Variants in IGF2 observed in about 807,000 individuals in gnomAD.
The protein encoded by IGF2 is insulin like growth factor 2.
Under a neutral mutation model 12.0 loss-of-function variants are expected in IGF2, and 2 were observed. The observed-to-expected ratio is 0.17, with a 90% CI of 0.07 to 0.52. IGF2 has a LOEUF of 0.52. Among genes scored for constraint, IGF2 ranks in the 20% least tolerant of loss-of-function variants. The probability of loss-of-function intolerance (pLI) is 0.95; values close to 1 mark genes in which losing one functional copy is unlikely to be tolerated. For synonymous variants in IGF2, 105 were observed against 110.1 expected (o/e 0.95, Z 0.29); for missense variants, 211 against 268.0 (o/e 0.79, Z 1.48).
the IGF2 span, chr11:2,148,153 C>T: frequency 2.6e-5 from 6 of 234,906 alleles, no homozygotes; most frequent in African/African-American, 1.1e-4. The surrounding 1 kb of genome is among the most constrained non-coding windows in gnomAD (Gnocchi z 4.3). Flanking sequence ...AATGGCCCGC[C>T]TTGAGGGGTC....
At chr11:2,134,349 C>T (rs1254735171) in intron 2 of IGF2, 1 of 335,360 alleles carries the variant, frequency 3.0e-6, no homozygotes, top group Non-Finnish European at 6.0e-6. Flanking sequence ...TTGGCCCTCC[C>T]CTCCTCTCAG....
At chr11:2,140,760 G>T (rs1184347891), upstream of IGF2, 1 of 326,930 alleles carries the variant, frequency 3.1e-6, no homozygotes, top group African/African-American at 2.3e-5. Context: ...GCGGCAGCCG[G>T]AGACGAGCGC....
intron 2 of IGF2, among the ~76,000 whole-genome samples, chr11:2,135,049 G>T (rs990029660): frequency 6.6e-6 from 1 of 152,252 alleles, no homozygotes; most frequent in Non-Finnish European, 1.5e-5. Flanking sequence ...TGCACTAGGC[G>T]TGCGGTGCCT....
chr11:2,133,998 G>A lies in IGF2; in HGVS notation c.158-333C>T. 2.2e-6 allele frequency: 1 copy of A among 456,174 alleles called. No homozygotes were observed. Among genetic ancestry groups the A allele is most frequent in the South Asian group, 2.3e-5 (1 of 42,554 alleles). 28.3% of individuals were successfully genotyped at this position (456,174 alleles called of 1,614,324 possible). Reference sequence around the variant, plus strand: ...AATGGGAGTGGTTTGGAAAATGTGTGGGATGTGAGCCCAGTTCAGGGGCCC... The same window carrying A: ...AATGGGAGTGGTTTGGAAAATGTGTAGGATGTGAGCCCAGTTCAGGGGCCC... On this transcript the variant is annotated intron_variant, in intron 2 of 3. Transcript: ENST00000416167. The surrounding 1 kb of genome is among the most constrained non-coding windows in gnomAD (Gnocchi z 8.9).
chr11:2,140,409 G>A, upstream of IGF2: 3 of 1,003,472 alleles, frequency 3.0e-6, no homozygotes, highest in South Asian at 3.3e-5. Context: ...TAGCCAAGGG[G>A]AAGGGGCCGC....
rs1858413565 is a variant in IGF2, at chr11:2,129,856, C to T, written c.*3131G>A. ...CCAGAGGCCGAGTCCCTGCCGCAGC[C>T]CTAGGCGCCGCGGTGGTGGCTGCTA... is the stretch of plus-strand genomic sequence containing the variant. On this transcript the variant is annotated 3_prime_UTR_variant, in exon 4 of 4. Transcript: ENST00000416167. This position sits in a 1 kb window ranked among gnomAD's most constrained non-coding sequence, Gnocchi z 8.1. The T allele has an allele frequency of 8.6e-6, 2 of 232,306 alleles. No individual in the cohort carries two copies. Among genetic ancestry groups the T allele is most frequent in the African/African-American group, 4.4e-5 (2 of 45,258 alleles). 14.4% of individuals were successfully genotyped at this position (232,306 alleles called of 1,614,324 possible).
the IGF2 span, chr11:2,149,188 G>A: frequency 1.9e-6 from 3 of 1,613,452 alleles, no homozygotes; most frequent in Non-Finnish European, 2.5e-6. Context: ...GGACCGGGGA[G>A]TCACTGGTGC....
rs1858714210 is a variant in IGF2 at position 2,132,963 on chromosome 11, G to A, written c.*24C>T. ...GGAGGCTGCAGGATGGTGGCGCCGG[G>A]CTGCAGACTTGCGGCAGTTTTGCTC... is the stretch of plus-strand genomic sequence containing the variant. On this transcript the variant is annotated 3_prime_UTR_variant, in exon 4 of 4. Transcript: ENST00000416167. 6 of 1,431,408 alleles carry A rather than the reference G, an allele frequency of 4.2e-6. No individual in the cohort carries two copies. The African/African-American group carries it at 8.7e-5, about 21-fold the overall frequency. 88.7% of individuals were successfully genotyped at this position (1,431,408 alleles called of 1,614,324 possible). A position where few individuals can be genotyped will look rare whatever the true frequency, so the allele number is the denominator to read the frequency against.
At chr11:2,142,571 A>C (rs954415587), upstream of IGF2, among the ~76,000 whole-genome samples, 1 of 152,218 alleles carries the variant, frequency 6.6e-6, no homozygotes, top group African/African-American at 2.4e-5. The surrounding 1 kb of genome is among the most constrained non-coding windows in gnomAD (Gnocchi z 5.7). Context: ...GAGGGCCTGG[A>C]GGGCAGCGTC....
At chr11:2,139,521 C>A (rs1252538948), upstream of IGF2, 1 of 146,092 alleles carries the variant, frequency 6.8e-6, no homozygotes, top group African/African-American at 2.5e-5. Flanking sequence ...CGGCCCGCCC[C>A]CGCAACCCGA....
Position 2,133,302 on chromosome 11 carries a change from C to A in IGF2, c.307-79G>T. ...TGAGCCGCCCGCCTGACCTGACAGG[C>A]CACCCCTGTGACTGATCAGTGACTT... On this transcript the variant is annotated intron_variant, in intron 3 of 3. Coordinates refer to ENST00000416167, the MANE Select transcript of IGF2 (RefSeq NM_000612.6). The surrounding 1 kb of genome is among the most constrained non-coding windows in gnomAD (Gnocchi z 8.9). 2 of 1,125,204 alleles carry A rather than the reference C, an allele frequency of 1.8e-6. No homozygotes were observed. Among genetic ancestry groups the A allele is most frequent in the Non-Finnish European group, 2.5e-6 (2 of 795,574 alleles). The allele number at this position is 1,125,204 out of a possible 1,614,324, so 69.7% of individuals were successfully genotyped here.
At position 2,130,630 on chromosome 11, in the gene IGF2, G is replaced by A. The variant is rs1359257765; in HGVS notation, c.*2357C>T. The A allele has an allele frequency of 1.4e-5, 3 of 218,046 alleles. No homozygotes were observed. In the Admixed American group the frequency reaches 1.8e-4, roughly 13 times the overall value. The allele number at this position is 218,046 out of a possible 1,614,324, so 13.5% of individuals were successfully genotyped here. On this transcript the variant is annotated 3_prime_UTR_variant, in exon 4 of 4. Transcript: ENST00000416167. ...GGAAAAATGCCCCAAGAAACAAAGA[G>A]GGGGAATAGATCAATTGACATGAAA...
At chr11:2,146,617 C>T in the IGF2 span, 12 of 338,884 alleles carry the variant, frequency 3.5e-5, no homozygotes, top group African/African-American at 1.1e-4. Context: ...AGGACTGAGG[C>T]GGCGCCACTG....
chr11:2,146,260 C>T, the IGF2 span: 6 of 533,650 alleles, frequency 1.1e-5, no homozygotes, highest in African/African-American at 1.2e-4. Flanking sequence ...GCTCTGAGCT[C>T]ACCGCTCCGC....
At position 2,131,977 on chromosome 11, in the gene IGF2, CGT is replaced by C. The variant is rs1247154382; in HGVS notation, c.*1008_*1009del. 8.3e-5 allele frequency: 8 copies of C among 96,858 alleles called. No individual in the cohort carries two copies. The highest frequency in any genetic ancestry group is 3.3e-4 in the African/African-American group (5 of 15,062). The allele number at this position is 96,858 out of a possible 1,614,324, so 6.0% of individuals were successfully genotyped here. ...TGTGTGCTGTGTGTGCATGTGTGTG[CGT>C]GTGTGTGCTGTGCGTTTGTGTGTGT... On this transcript the variant is annotated 3_prime_UTR_variant, in exon 4 of 4. Coordinates refer to ENST00000416167, the MANE Select transcript of IGF2 (RefSeq NM_000612.6).
At position 2,130,519 on chromosome 11, in the gene IGF2, CCT is replaced by C. The variant is rs944371986; in HGVS notation, c.*2466_*2467del. On this transcript the variant is annotated 3_prime_UTR_variant, in exon 4 of 4. Transcript: ENST00000416167. ...GCGTTCTTGCTTTTGTCACTGCCCC[CCT>C]GTTACATGGGGGGGGGGTTTAATTT... is the stretch of plus-strand genomic sequence containing the variant. The C allele has an allele frequency of 1.8e-5, 4 of 219,906 alleles. No homozygotes were observed. Among genetic ancestry groups the C allele is most frequent in the Non-Finnish European group, 3.5e-5 (4 of 114,086 alleles). The allele number at this position is 219,906 out of a possible 1,614,324, so 13.6% of individuals were successfully genotyped here.
chr11:2,142,373 T>C (rs1859654707), upstream of IGF2, among the ~76,000 whole-genome samples: 1 of 152,152 alleles, frequency 6.6e-6, no homozygotes, highest in Non-Finnish European at 1.5e-5. The surrounding 1 kb of genome is among the most constrained non-coding windows in gnomAD (Gnocchi z 5.7). Context: ...GGTCCATATG[T>C]ACATTTTAAA....
At chr11:2,145,901 C>T (rs1276954821), upstream of IGF2, among the ~76,000 whole-genome samples, 1 of 152,132 alleles carries the variant, frequency 6.6e-6, no homozygotes, top group Non-Finnish European at 1.5e-5. Flanking sequence ...TCAAGACTGG[C>T]TCCTCCCCCA....
rs1478694354 is a variant in IGF2 at position 2,130,763 on chromosome 11, C to A, written c.*2224G>T. 5.7e-6 allele frequency: 1 copy of A among 176,030 alleles called. No individual in the cohort carries two copies. Among genetic ancestry groups the A allele is most frequent in the Admixed American group, 6.6e-5 (1 of 15,108 alleles). 10.9% of individuals were successfully genotyped at this position (176,030 alleles called of 1,614,324 possible). On this transcript the variant is annotated 3_prime_UTR_variant, in exon 4 of 4. Coordinates refer to ENST00000416167, the MANE Select transcript of IGF2 (RefSeq NM_000612.6). ...CCACTTCCTACCCCAGAACTCCCCCCGCCCAGCCCCCACTGCCCCCCACCC... is the reference window on the plus strand; with the variant it reads ...CCACTTCCTACCCCAGAACTCCCCCAGCCCAGCCCCCACTGCCCCCCACCC...
Sources: gnomAD v4.1 joint callset for allele counts (sites outside exome capture counted in the v4.1 genomes callset) on GRCh38, gnomAD v4.1.1 for gene constraint, Gnocchi (gnomAD v3.1) non-coding constraint, MANE v1.5 for transcripts, NCBI Gene and HGNC (gene_info 2026-07-23, HGNC 2026-07-21) for gene names.